PIK3R5: variants seen among roughly 807,000 people sequenced by gnomAD.
PIK3R5 encodes the protein phosphoinositide 3-kinase regulatory subunit 5.
A neutral mutation model predicts 94.9 loss-of-function variants in PIK3R5; 32 were observed. That is an observed-to-expected ratio of 0.34 (90% CI 0.25 to 0.45). The LOEUF (loss-of-function observed/expected upper bound fraction) is 0.45. PIK3R5 is among the 20% of genes least tolerant of loss of function. PIK3R5 has a pLI of 1.00. For missense variants in PIK3R5, 853 were observed against 1,144.6 expected (o/e 0.75, Z 3.68); for synonymous variants, 443 against 479.4 (o/e 0.92, Z 0.99).
At position 8,911,445 on chromosome 17, in the gene PIK3R5, A is replaced by T; in HGVS notation, c.50T>A (p.Leu17Gln). Residue 17 changes from leucine to glutamine, a missense_variant, in exon 2 of 19, where the codon CTG becomes CAG. Physicochemically the swap from Leu to Gln is moderately radical, Grantham distance 113 (BLOSUM62 -2). Coordinates refer to ENST00000447110, the MANE Select transcript of PIK3R5 (RefSeq NM_001142633.3). This position sits in a 1 kb window ranked among gnomAD's most constrained non-coding sequence, Gnocchi z 5.3. ...TCTEDRIQHALERCLHGLSLS... is the reference protein window; with the variant it reads ...TCTEDRIQHAQERCLHGLSLS... The stretch of plus-strand genomic sequence containing the variant: ...GCTGAGTCCATGCAGGCAGCGTTCC[A>T]GGGCATGCTGGATGCGGTCCTCCGT... 1 of 1,600,022 alleles carries T rather than the reference A, an allele frequency of 6.2e-7. No individual in the cohort carries two copies.
Position 8,890,706 on chromosome 17 carries a change from C to G in PIK3R5, c.657+32G>C. 6.3e-7 allele frequency: 1 copy of G among 1,575,412 alleles called. No individual in the cohort carries two copies. Among genetic ancestry groups the G allele is most frequent in the South Asian group, 1.1e-5 (1 of 87,050 alleles). ...AGGGTGCTACCTCCTCAGAGAGGTG[C>G]TCCACCAGAGCCCCAGGCCCCAGGT... is the stretch of plus-strand genomic sequence containing the variant. On this transcript the variant is annotated intron_variant, in intron 7 of 18. Transcript: ENST00000447110. This position sits in a 1 kb window ranked among gnomAD's most constrained non-coding sequence, Gnocchi z 6.1.
chr17:8,879,390 C>A lies in PIK3R5; in HGVS notation c.*1249G>T, dbSNP rs1355400134. On this transcript the variant is annotated 3_prime_UTR_variant, in exon 19 of 19. Transcript: ENST00000447110. This position sits in a 1 kb window ranked among gnomAD's most constrained non-coding sequence, Gnocchi z 4.4. ...TATCCTAGGCTGACCATTTCCCATG[C>A]ACCAGTCCCATTTCCCCTGAGTCGG... The A allele has an allele frequency of 6.6e-6, 1 of 152,404 alleles. No individual in the cohort carries two copies. Among genetic ancestry groups the A allele is most frequent in the Admixed American group, 6.5e-5 (1 of 15,302 alleles). The allele number at this position is 152,404 out of a possible 1,614,324, so 9.4% of individuals were successfully genotyped here. A position where few individuals can be genotyped will look rare whatever the true frequency, so the allele number is the denominator to read the frequency against.
rs550105768 is a variant in PIK3R5 at position 8,887,225 on chromosome 17, G to A, written c.1780-4C>T. ...CCCATGGGGTGGTGCCCAGCTCCTA[G>A]GGCAAAGAACAAGAGTCATCATCCC... is the stretch of plus-strand genomic sequence containing the variant. On this transcript the variant is annotated splice_region_variant and splice_polypyrimidine_tract_variant and intron_variant, in intron 11 of 18. Coordinates refer to ENST00000447110, the MANE Select transcript of PIK3R5 (RefSeq NM_001142633.3). 9.9e-5 allele frequency: 159 copies of A among 1,613,772 alleles called. 1 individual carries two copies. In the South Asian group the frequency reaches 1.5e-3, roughly 15 times the overall value.
intron 1 of PIK3R5, among the ~76,000 whole-genome samples, chr17:8,960,689 C>T (rs1200085575): frequency 2.6e-5 from 4 of 152,244 alleles, no homozygotes; most frequent in African/African-American, 9.6e-5. Flanking sequence ...GGGAGCCTGG[C>T]AGGAACTGGG....
Position 8,882,009 on chromosome 17 carries a change from TC to T in PIK3R5, c.2206-129del. The T allele has an allele frequency of 2.8e-6, 2 of 702,294 alleles. No homozygotes were observed. The highest frequency in any genetic ancestry group is 5.4e-5 in the East Asian group (2 of 37,156). The allele number at this position is 702,294 out of a possible 1,614,324, so 43.5% of individuals were successfully genotyped here. ...ATATCCCCAGAAAGCCCTCTCTTAT[TC>T]ACCAGGGCCCCTGTACCACCCTGGA... On this transcript the variant is annotated intron_variant, in intron 15 of 18. Coordinates refer to ENST00000447110, the MANE Select transcript of PIK3R5 (RefSeq NM_001142633.3). The surrounding 1 kb of genome is among the most constrained non-coding windows in gnomAD (Gnocchi z 4.1).
At position 8,881,529 on chromosome 17, in the gene PIK3R5, A is replaced by ATGCACACACATACATG; in HGVS notation, c.2382+85_2382+100dup. ...TACACACGGGTGTGTATGTGCACAC[A>ATGCACACACATACATG]TGCACACACATACATGTGCACACAC... On this transcript the variant is annotated intron_variant, in intron 17 of 18. Transcript: ENST00000447110. This position sits in a 1 kb window ranked among gnomAD's most constrained non-coding sequence, Gnocchi z 4.8. 2.2e-6 allele frequency: 2 copies of ATGCACACACATACATG among 894,222 alleles called. No individual in the cohort carries two copies. The highest frequency in any genetic ancestry group is 3.6e-6 in the Non-Finnish European group (2 of 549,968). The allele number at this position is 894,222 out of a possible 1,614,324, so 55.4% of individuals were successfully genotyped here.
At position 8,894,342 on chromosome 17, in the gene PIK3R5, G is replaced by A. The variant is rs533914659; in HGVS notation, c.413-687C>T. 3.3e-5 allele frequency among the ~76,000 whole-genome samples: 5 copies of A among 152,250 alleles called. No homozygotes were observed. In the South Asian group the frequency reaches 1.0e-3, roughly 32 times the overall value. ...CTCTCCCGGTCCGGGGTGCCTTCCC[G>A]CTATGCCAGGCACCTCTCAGCCCAT... On this transcript the variant is annotated intron_variant, in intron 5 of 18. Coordinates refer to ENST00000447110, the MANE Select transcript of PIK3R5 (RefSeq NM_001142633.3).
intron 1 of PIK3R5, among the ~76,000 whole-genome samples, chr17:8,923,046 G>A (rs1192047249): frequency 6.6e-6 from 1 of 152,144 alleles, no homozygotes; most frequent in African/African-American, 2.4e-5. Flanking sequence ...TGAGGATGAA[G>A]GAGGGGAAGG....
intron 5 of PIK3R5, among the ~76,000 whole-genome samples, chr17:8,897,442 G>A (rs979018139): frequency 2.0e-5 from 3 of 152,170 alleles, no homozygotes; most frequent in Non-Finnish European, 2.9e-5. Flanking sequence ...CCACGGAAAC[G>A]CCTGTGGGAT....
At position 8,888,606 on chromosome 17, in the gene PIK3R5, T is replaced by C; in HGVS notation, c.1181A>G (p.Asp394Gly). 6.2e-7 allele frequency: 1 copy of C among 1,612,500 alleles called. No homozygotes were observed. Among genetic ancestry groups the C allele is most frequent in the Non-Finnish European group, 8.5e-7 (1 of 1,179,402 alleles). ...CCACTCGGAGGAGCTCTCCTCGCTGTCCTCCACGTAGCCGCTGTCCATGCC... is the reference window on the plus strand; with the variant it reads ...CCACTCGGAGGAGCTCTCCTCGCTGCCCTCCACGTAGCCGCTGTCCATGCC... Reference protein sequence around the residue: ...SDGMDSGYVEDSEESSSEWPW... With the variant: ...SDGMDSGYVEGSEESSSEWPW... The change falls in exon 10 of 19, where the codon GAC becomes GGC. Residue 394 changes from aspartate (D) to glycine (G), a missense_variant. Physicochemically the swap from Asp to Gly is moderately conservative, Grantham distance 94. Transcript: ENST00000447110. This position sits in a 1 kb window ranked among gnomAD's most constrained non-coding sequence, Gnocchi z 7.8.
At position 8,888,536 on chromosome 17, in the gene PIK3R5, A is replaced by C; in HGVS notation, c.1251T>G (p.Pro417=). 1 of 1,611,870 alleles carries C rather than the reference A, an allele frequency of 6.2e-7. No homozygotes were observed. The highest frequency in any genetic ancestry group is 1.1e-5 in the South Asian group (1 of 90,906). ...TATAGATCCTGATGAACTTCTGCCC[A>C]GGCCTGCGGTGGCCTCGGCGTTCCT... ...GSQERRGHRR[P]GQKFIRIYKL... is the part of the protein sequence containing the mutation. The change falls in exon 10 of 19, where the codon CCT becomes CCG. Residue 417 remains proline (P), a synonymous_variant. Coordinates refer to ENST00000447110, the MANE Select transcript of PIK3R5 (RefSeq NM_001142633.3). The surrounding 1 kb of genome is among the most constrained non-coding windows in gnomAD (Gnocchi z 7.8).
At position 8,887,759 on chromosome 17, in the gene PIK3R5, G is replaced by A. The variant is rs1032896683; in HGVS notation, c.1617-76C>T. 4 of 1,383,158 alleles carry A rather than the reference G, an allele frequency of 2.9e-6. No homozygotes were observed. In the African/African-American group the frequency reaches 5.8e-5, roughly 20 times the overall value. The allele number at this position is 1,383,158 out of a possible 1,614,324, so 85.7% of individuals were successfully genotyped here. The stretch of plus-strand genomic sequence containing the variant: ...TGTAATCCCAGCACTTTGGGAGGCT[G>A]AGGTGGGTGGATCACCCGAGGCCAG... On this transcript the variant is annotated intron_variant, in intron 10 of 18. Transcript: ENST00000447110.
chr17:8,947,011 G>T (rs2091285133), intron 1 of PIK3R5, among the ~76,000 whole-genome samples: 1 of 152,218 alleles, frequency 6.6e-6, no homozygotes, highest in African/African-American at 2.4e-5. Flanking sequence ...TGAGGGTCCA[G>T]CTGAGTGCCT....
intron 1 of PIK3R5, among the ~76,000 whole-genome samples, chr17:8,951,631 G>GTTTATCCA (rs2091377889): frequency 6.6e-6 from 1 of 152,124 alleles, no homozygotes; most frequent in African/African-American, 2.4e-5. Context: ...TACACATTTT[G>GTTTATCCA]TTTATCCATT....
At chr17:8,929,659 G>T (rs571589974) in intron 1 of PIK3R5, among the ~76,000 whole-genome samples, 20 of 152,336 alleles carry the variant, frequency 1.3e-4, no homozygotes, top group African/African-American at 3.6e-4. Flanking sequence ...GTCCTTTGCA[G>T]CAGCATGGAT....
In PIK3R5 at chr17:8,893,810, G is replaced by A. The variant is rs2090084506; in HGVS notation, c.413-155C>T. On this transcript the variant is annotated intron_variant, in intron 5 of 18. Transcript: ENST00000447110. This position sits in a 1 kb window ranked among gnomAD's most constrained non-coding sequence, Gnocchi z 5.1. ...AGAAGCTGTTCTGTGGACCCTCCAG[G>A]GTGCCTAGCAGTTTGCTTCTATGCG... 2 of 605,148 alleles carry A rather than the reference G, an allele frequency of 3.3e-6. No homozygotes were observed. Among genetic ancestry groups the A allele is most frequent in the Admixed American group, 5.3e-5 (2 of 37,388 alleles). The allele number at this position is 605,148 out of a possible 1,614,324, so 37.5% of individuals were successfully genotyped here.
In PIK3R5 at chr17:8,888,043, A is replaced by G. The variant is rs1339453693; in HGVS notation, c.1616+128T>C. 3.6e-6 allele frequency: 1 copy of G among 280,544 alleles called. No homozygotes were observed. Among genetic ancestry groups the G allele is most frequent in the East Asian group, 7.1e-5 (1 of 13,998 alleles). The allele number at this position is 280,544 out of a possible 1,614,324, so 17.4% of individuals were successfully genotyped here. A position where few individuals can be genotyped will look rare whatever the true frequency, so the allele number is the denominator to read the frequency against. ...AATAATAATAATAATAATAATAATA[A>G]TAATAAAATAAAAATAAATAAGGGA... On this transcript the variant is annotated intron_variant, in intron 10 of 18. Coordinates refer to ENST00000447110, the MANE Select transcript of PIK3R5 (RefSeq NM_001142633.3). This position sits in a 1 kb window ranked among gnomAD's most constrained non-coding sequence, Gnocchi z 7.8.
chr17:8,918,538 A>G (rs79318356), intron 1 of PIK3R5, among the ~76,000 whole-genome samples: 4,538 of 152,298 alleles, frequency 0.03, 209 homozygotes, highest in East Asian at 0.14. Context: ...AATGGAGGAG[A>G]AATGACAGGT....
Position 8,893,417 on chromosome 17 carries a change from C to T in PIK3R5, c.482+169G>A, listed in dbSNP as rs546534135. 1.6e-3 allele frequency among the ~76,000 whole-genome samples: 245 copies of T among 152,232 alleles called. 1 individual carries two copies. The highest frequency in any genetic ancestry group is 5.7e-3 in the African/African-American group (236 of 41,532). On this transcript the variant is annotated intron_variant, in intron 6 of 18. Transcript: ENST00000447110. This position sits in a 1 kb window ranked among gnomAD's most constrained non-coding sequence, Gnocchi z 5.1. Reference sequence around the variant, plus strand: ...AACACACCTGGACACAAAATATCACCAGCAGTGCCAGGGGGTTCCCAGTTC... The same window carrying T: ...AACACACCTGGACACAAAATATCACTAGCAGTGCCAGGGGGTTCCCAGTTC...
Sources: gnomAD v4.1 joint callset for allele counts (sites outside exome capture counted in the v4.1 genomes callset) on GRCh38, gnomAD v4.1.1 for gene constraint, Gnocchi (gnomAD v3.1) non-coding constraint, MANE v1.5 for transcripts, NCBI Gene and HGNC (gene_info 2026-07-23, HGNC 2026-07-21) for gene names.